Variants in RGS21 observed in about 807,000 individuals in gnomAD.
The protein encoded by RGS21 is regulator of G-protein signalling 21.
Under a neutral mutation model 18.7 loss-of-function variants are expected in RGS21, and 19 were observed. The observed-to-expected ratio is 1.01, with a 90% CI of 0.71 to 1.49. The LOEUF is 1.49. Ranked by LOEUF, RGS21 falls within the 40% of genes most tolerant of loss-of-function variation. The pLI, the probability that RGS21 is intolerant of heterozygous loss-of-function variation, is 0.00. For synonymous variants in RGS21, 56 were observed against 57.8 expected (o/e 0.97, Z 0.14); for missense variants, 194 against 176.8 (o/e 1.10, Z -0.55).
chr1:192,330,239 AG>A (rs1465548040), intron 1 of RGS21, among the ~76,000 whole-genome samples: 1 of 152,244 alleles, frequency 6.6e-6, no homozygotes, highest in East Asian at 1.9e-4. Context: ...GATCATTTCC[AG>A]TTCTGTGGAT....
chr1:192,343,297 C>T (rs1323259132), intron 2 of RGS21, among the ~76,000 whole-genome samples: 1 of 151,908 alleles, frequency 6.6e-6, no homozygotes. Flanking sequence ...GACCACTGAA[C>T]TTTATGTTTT....
At chr1:192,347,242 A>C in intron 2 of RGS21, 71 bp from the exon 3 acceptor site, 2 of 942,558 alleles carry the variant, frequency 2.1e-6, no homozygotes, top group South Asian at 1.5e-5. Flanking sequence ...GATGTAACTC[A>C]AAATACATGT....
chr1:192,349,467 C>T (rs980329607), intron 3 of RGS21, among the ~76,000 whole-genome samples: 6 of 152,128 alleles, frequency 3.9e-5, no homozygotes, highest in Non-Finnish European at 7.4e-5. Context: ...AGGCATTAGC[C>T]TAGTTTTCAC....
intron 1 of RGS21, among the ~76,000 whole-genome samples, chr1:192,331,238 T>TA (rs201486644): frequency 0.011 from 1,640 of 151,902 alleles, 16 homozygotes; most frequent in Admixed American, 0.019. Flanking sequence ...GATCTGATTT[T>TA]AAAAAAAAAT....
At chr1:192,362,642 AGTAAACCT>A (rs1254040041) in intron 4 of RGS21, among the ~76,000 whole-genome samples, 1 of 152,210 alleles carries the variant, frequency 6.6e-6, no homozygotes, top group Non-Finnish European at 1.5e-5. Flanking sequence ...TCCTGAGAAC[AGTAAACCT>A]GCTCATCACT....
At chr1:192,336,393 T>G (rs894396640) in intron 1 of RGS21, among the ~76,000 whole-genome samples, 1 of 152,168 alleles carries the variant, frequency 6.6e-6, no homozygotes, top group Non-Finnish European at 1.5e-5. Flanking sequence ...AGGCGCAGGT[T>G]GCAGTGAGCT....
chr1:192,340,709 T>C (rs945335208), intron 1 of RGS21, among the ~76,000 whole-genome samples: 1 of 152,078 alleles, frequency 6.6e-6, no homozygotes, highest in South Asian at 2.1e-4. Context: ...AGAGGTTTAA[T>C]GGACTCACAG....
At chr1:192,331,089 T>G (rs77893423) in intron 1 of RGS21, among the ~76,000 whole-genome samples, 1,756 of 152,298 alleles carry the variant, frequency 0.012, 20 homozygotes, top group Middle Eastern at 0.061. Flanking sequence ...TAGACTACTT[T>G]AAGAAAGACT....
intron 1 of RGS21, among the ~76,000 whole-genome samples, chr1:192,319,861 TA>T (rs1385879662): frequency 6.6e-6 from 1 of 152,076 alleles, no homozygotes; most frequent in African/African-American, 2.4e-5. Context: ...GCAATTCTGA[TA>T]AGATTATTCA....
At chr1:192,357,305 T>C (rs185392649) in intron 4 of RGS21, among the ~76,000 whole-genome samples, 5 of 151,886 alleles carry the variant, frequency 3.3e-5, no homozygotes, top group East Asian at 1.9e-4. Context: ...AAGCCTAGTA[T>C]TGTGTGTGTT....
intron 4 of RGS21, among the ~76,000 whole-genome samples, chr1:192,355,160 T>C (rs1281504395): frequency 6.6e-6 from 1 of 151,682 alleles, no homozygotes; most frequent in African/African-American, 2.4e-5. Flanking sequence ...CTCACTTGTG[T>C]AATTCTGTCA....
At chr1:192,343,118 C>G in intron 2 of RGS21, 71 bp downstream of exon 2, 1 of 1,387,882 alleles carries the variant, frequency 7.2e-7, no homozygotes, top group Non-Finnish European at 1.0e-6. Flanking sequence ...TTCTTTTAGT[C>G]TCGATGTTTT....
At chr1:192,362,392 G>T (rs777611822) in intron 4 of RGS21, among the ~76,000 whole-genome samples, 13 of 152,080 alleles carry the variant, frequency 8.5e-5, no homozygotes, top group Non-Finnish European at 1.3e-4. Context: ...GAATGAAAAA[G>T]ACCATTGTGA....
chr1:192,331,467 A>G (rs1658648464), intron 1 of RGS21, among the ~76,000 whole-genome samples: 1 of 152,052 alleles, frequency 6.6e-6, no homozygotes, highest in Non-Finnish European at 1.5e-5. Context: ...GAATCGATTG[A>G]ACATGGGAGG....
intron 2 of RGS21, among the ~76,000 whole-genome samples, chr1:192,343,596 G>T (rs1658905523): frequency 1.3e-5 from 2 of 152,022 alleles, no homozygotes; most frequent in Non-Finnish European, 2.9e-5. Flanking sequence ...TTCCCATCTG[G>T]CCTGGCTCTT....
intron 1 of RGS21, among the ~76,000 whole-genome samples, chr1:192,335,318 T>G (rs1658751777): frequency 6.6e-6 from 1 of 152,164 alleles, no homozygotes; most frequent in Non-Finnish European, 1.5e-5. Flanking sequence ...CTTAGAATTT[T>G]TATAAGAATG....
At chr1:192,333,322 A>G (rs188657574) in intron 1 of RGS21, among the ~76,000 whole-genome samples, 283 of 148,648 alleles carry the variant, frequency 1.9e-3, no homozygotes, top group Non-Finnish European at 3.6e-3. Context: ...GGACCCATCA[A>G]TTGTAATCCT....
chr1:192,318,112 A>T (rs559471902), intron 1 of RGS21, among the ~76,000 whole-genome samples: 1 of 152,232 alleles, frequency 6.6e-6, no homozygotes, highest in South Asian at 2.1e-4. Context: ...TATTCATCGT[A>T]TAATTGCCTT....
chr1:192,340,294 A>C (rs1018240731), intron 1 of RGS21, among the ~76,000 whole-genome samples: 1 of 152,156 alleles, frequency 6.6e-6, no homozygotes, highest in African/African-American at 2.4e-5. Context: ...ATAAATAAGC[A>C]TATATAAATA....
Sources: gnomAD v4.1 joint callset for allele counts (sites outside exome capture counted in the v4.1 genomes callset) on GRCh38, gnomAD v4.1.1 for gene constraint, MANE v1.5 for transcripts, NCBI Gene and HGNC (gene_info 2026-07-23, HGNC 2026-07-21) for gene names.